IQCH: variants seen among roughly 807,000 people sequenced by gnomAD.
IQCH encodes the protein IQ domain-containing protein H.
A neutral mutation model predicts 117.0 loss-of-function variants in IQCH; 98 were observed. The ratio of observed to expected loss-of-function variants is 0.84; its 90% CI spans 0.71 to 0.99. IQCH has a LOEUF of 0.99. Ranked by LOEUF, IQCH falls within the 50% of genes least tolerant of loss-of-function variation. The pLI is 0.00. For missense variants in IQCH, 1,102 were observed against 1,243.8 expected (o/e 0.89, Z 1.72); for synonymous variants, 412 against 448.2 (o/e 0.92, Z 1.02).
At position 67,475,288 on chromosome 15, in the gene IQCH, C is replaced by T. The variant is rs946984167; in HGVS notation, c.2677-408C>T. On this transcript the variant is annotated intron_variant, in intron 17 of 20. Transcript: ENST00000335894. This position sits in a 1 kb window ranked among gnomAD's most constrained non-coding sequence, Gnocchi z 5.7. ...GCTAGGAGTTCAAGACCAGCCTGGGCAACATAGTGAGACCCCTGTCTCTAC... is the reference window on the plus strand; with the variant it reads ...GCTAGGAGTTCAAGACCAGCCTGGGTAACATAGTGAGACCCCTGTCTCTAC... 6.6e-6 allele frequency among the ~76,000 whole-genome samples: 1 copy of T among 152,006 alleles called. No homozygotes were observed. The highest frequency in any genetic ancestry group is 6.6e-5 in the Admixed American group (1 of 15,254).
intron 3 of IQCH, among the ~76,000 whole-genome samples, chr15:67,278,924 A>G (rs1966238028): frequency 6.6e-6 from 1 of 152,212 alleles, no homozygotes; most frequent in African/African-American, 2.4e-5. Context: ...TAATAAGGAA[A>G]ATGTTTAACC....
intron 12 of IQCH, among the ~76,000 whole-genome samples, chr15:67,394,011 C>T (rs1430955996): frequency 6.6e-6 from 1 of 152,078 alleles, no homozygotes; most frequent in Non-Finnish European, 1.5e-5. Flanking sequence ...AAGTTACTTG[C>T]CTACATTAAT....
chr15:67,338,909 T>C (rs1033923778), intron 5 of IQCH, among the ~76,000 whole-genome samples: 2 of 152,206 alleles, frequency 1.3e-5, no homozygotes, highest in African/African-American at 4.8e-5. Flanking sequence ...CTCTCATCTC[T>C]CATCTTTATC....
chr15:67,259,480 A>T (rs562224553), intron 1 of IQCH, among the ~76,000 whole-genome samples: 1 of 152,372 alleles, frequency 6.6e-6, no homozygotes, highest in Non-Finnish European at 1.5e-5. Flanking sequence ...AGAGCTAGAC[A>T]TTATATTCAG....
chr15:67,357,253 A>G (rs1969926883), intron 6 of IQCH, 92 bp from the exon 7 acceptor site: 5 of 821,682 alleles, frequency 6.1e-6, no homozygotes, highest in South Asian at 1.4e-5. Context: ...TGACAGAGCC[A>G]TTTGACTTTC....
Position 67,494,452 on chromosome 15 carries a change from A to C in IQCH, c.2970+86A>C, listed in dbSNP as rs917670517. On this transcript the variant is annotated intron_variant, in intron 20 of 20. Coordinates refer to ENST00000335894, the MANE Select transcript of IQCH (RefSeq NM_001031715.3). This position sits in a 1 kb window ranked among gnomAD's most constrained non-coding sequence, Gnocchi z 5.5. ...ATGCTGTATTGTAAACAAGTGCTAA[A>C]CCATCTTTTTTTTATTGTAAGCAGT... 1.2e-6 allele frequency: 1 copy of C among 864,988 alleles called. No homozygotes were observed. Among genetic ancestry groups the C allele is most frequent in the Admixed American group, 2.6e-5 (1 of 38,830 alleles). The allele number at this position is 864,988 out of a possible 1,614,324, so 53.6% of individuals were successfully genotyped here. A position where few individuals can be genotyped will look rare whatever the true frequency, so the allele number is the denominator to read the frequency against.
intron 6 of IQCH, among the ~76,000 whole-genome samples, chr15:67,348,220 T>C (rs540513089): frequency 6.6e-6 from 1 of 152,270 alleles, no homozygotes; most frequent in Non-Finnish European, 1.5e-5. Context: ...TCACCACTTC[T>C]ATTCAACATT....
chr15:67,385,330 T>C lies in IQCH; in HGVS notation c.1456+311T>C, dbSNP rs951264828. ...AATCTTTATTTACTGAATCTTACAG[T>C]GAGTGAAGTCAAAGTTTTACATTTG... On this transcript the variant is annotated intron_variant, in intron 11 of 20. Transcript: ENST00000335894. This position sits in a 1 kb window ranked among gnomAD's most constrained non-coding sequence, Gnocchi z 4.6. Among the ~76,000 whole-genome samples, 3 of 152,150 alleles carry C rather than the reference T, an allele frequency of 2.0e-5. No homozygotes were observed. The highest frequency in any genetic ancestry group is 7.2e-5 in the African/African-American group (3 of 41,448).
In IQCH at chr15:67,491,162, G is replaced by C. The variant is rs2083643720; in HGVS notation, c.2861+1098G>C. ...AAATAAGAGCCAATTCCTCTACGAA[G>C]CACTGATGTTCCTATGTGGCCTCAG... On this transcript the variant is annotated intron_variant, in intron 19 of 20. Coordinates refer to ENST00000335894, the MANE Select transcript of IQCH (RefSeq NM_001031715.3). The surrounding 1 kb of genome is among the most constrained non-coding windows in gnomAD (Gnocchi z 4.9). Among the ~76,000 whole-genome samples, 1 of 152,010 alleles carries C rather than the reference G, an allele frequency of 6.6e-6. No homozygotes were observed. The highest frequency in any genetic ancestry group is 2.1e-4 in the South Asian group (1 of 4,820).
chr15:67,261,468 CA>C, intron 2 of IQCH, 74 bp downstream of exon 2: 9 of 1,284,818 alleles, frequency 7.0e-6, no homozygotes, highest in Non-Finnish European at 9.7e-6. Flanking sequence ...TTGCAGTTCT[CA>C]TAGAGTCCTG....
chr15:67,394,450 C>T (rs533963419), intron 12 of IQCH, among the ~76,000 whole-genome samples: 23 of 152,240 alleles, frequency 1.5e-4, no homozygotes, highest in African/African-American at 5.3e-4. Flanking sequence ...CTTGAGTACT[C>T]GGCAGATCCT....
Position 67,421,608 on chromosome 15 carries a change from A to G in IQCH, c.2505+31A>G, listed in dbSNP as rs1457917623. 2.5e-6 allele frequency: 4 copies of G among 1,610,678 alleles called. No homozygotes were observed. In the Admixed American group the frequency reaches 6.7e-5, roughly 27 times the overall value. ...TTGAATGGATGCCATACGAAATGCT[A>G]AAATATGTAATGACTCCGCACCCTA... is the stretch of plus-strand genomic sequence containing the variant. On this transcript the variant is annotated intron_variant, in intron 16 of 20. Coordinates refer to ENST00000335894, the MANE Select transcript of IQCH (RefSeq NM_001031715.3).
intron 16 of IQCH, among the ~76,000 whole-genome samples, chr15:67,439,957 T>C (rs1316222296): frequency 6.7e-6 from 1 of 148,372 alleles, no homozygotes; most frequent in Non-Finnish European, 1.5e-5. Flanking sequence ...ATAAATAAAA[T>C]TGATAGACCA....
chr15:67,280,573 AG>A (rs1966312731), intron 4 of IQCH, among the ~76,000 whole-genome samples: 1 of 152,182 alleles, frequency 6.6e-6, no homozygotes, highest in African/African-American at 2.4e-5. Context: ...TCTTTTTATA[AG>A]GACATTGATC....
intron 4 of IQCH, among the ~76,000 whole-genome samples, chr15:67,296,632 G>A (rs1317804571): frequency 6.6e-6 from 1 of 152,150 alleles, no homozygotes; most frequent in Admixed American, 6.6e-5. Context: ...TGCCTGTGGG[G>A]ACTAGAGAGG....
At chr15:67,260,880 G>A (rs1021709879) in intron 1 of IQCH, among the ~76,000 whole-genome samples, 8 of 152,064 alleles carry the variant, frequency 5.3e-5, no homozygotes, top group African/African-American at 1.9e-4. Flanking sequence ...GGAAGATCAT[G>A]AGGACAGTAG....
intron 4 of IQCH, among the ~76,000 whole-genome samples, chr15:67,322,561 G>A (rs1968185979): frequency 6.6e-6 from 1 of 152,068 alleles, no homozygotes; most frequent in Non-Finnish European, 1.5e-5. Context: ...TCCACAACTG[G>A]CGACATACAC....
At chr15:67,273,842 T>C (rs1447322480) in intron 3 of IQCH, among the ~76,000 whole-genome samples, 1 of 152,234 alleles carries the variant, frequency 6.6e-6, no homozygotes, top group Non-Finnish European at 1.5e-5. Context: ...TAGCATTTGA[T>C]GTAACATGGG....
In IQCH at chr15:67,443,173, T is replaced by C. The variant is rs768440278; in HGVS notation, c.2505+21596T>C. 1.3e-5 allele frequency among the ~76,000 whole-genome samples: 2 copies of C among 152,148 alleles called. No individual in the cohort carries two copies. The highest frequency in any genetic ancestry group is 2.9e-5 in the Non-Finnish European group (2 of 68,034). ...GCGCCCGGCTAATTTTTTGTATTTT[T>C]AGTAGAGACGGGGTTTCACCGTGTT... On this transcript the variant is annotated intron_variant, in intron 16 of 20. Transcript: ENST00000335894. The surrounding 1 kb of genome is among the most constrained non-coding windows in gnomAD (Gnocchi z 5.0).
Sources: gnomAD v4.1 joint callset for allele counts (sites outside exome capture counted in the v4.1 genomes callset) on GRCh38, gnomAD v4.1.1 for gene constraint, Gnocchi (gnomAD v3.1) non-coding constraint, MANE v1.5 for transcripts, NCBI Gene and HGNC (gene_info 2026-07-23, HGNC 2026-07-21) for gene names.